The following BRI3BP variants were observed in gnomAD, a reference collection of about 807,000 sequenced individuals.
BRI3BP encodes the protein BRI3-binding protein.
BRI3BP carries 7 observed loss-of-function variants against 15.8 expected under a neutral mutation model. The ratio of observed to expected loss-of-function variants is 0.44; its 90% CI spans 0.25 to 0.83. BRI3BP has a LOEUF of 0.83. Among genes scored for constraint, BRI3BP ranks in the 40% least tolerant of loss-of-function variants. BRI3BP has a pLI of 0.20. For synonymous variants in BRI3BP, 192 were observed against 163.5 expected (o/e 1.17, Z -1.33); for missense variants, 320 against 339.3 (o/e 0.94, Z 0.45).
intron 2 of BRI3BP, among the ~76,000 whole-genome samples, chr12:125,014,164 G>A (rs934704365): frequency 6.6e-6 from 1 of 152,180 alleles, no homozygotes; most frequent in Non-Finnish European, 1.5e-5. Context: ...TGGTGTGCCA[G>A]GTAAACAGGG....
rs1955346382 is a variant in BRI3BP at position 125,025,550 on chromosome 12, G to C, written c.*120G>C. 2.9e-5 allele frequency: 31 copies of C among 1,058,328 alleles called. 1 individual carries two copies. In the South Asian group the frequency reaches 5.3e-4, roughly 18 times the overall value. The allele number at this position is 1,058,328 out of a possible 1,614,324, so 65.6% of individuals were successfully genotyped here. On this transcript the variant is annotated 3_prime_UTR_variant, in exon 3 of 3. Coordinates refer to ENST00000341446, the MANE Select transcript of BRI3BP (RefSeq NM_080626.6). The stretch of plus-strand genomic sequence containing the variant: ...AAACACGACTGAGCAAGAAAGTGGC[G>C]CTGTGTAGGGCTATTTCCACCCACC...
intron 2 of BRI3BP, among the ~76,000 whole-genome samples, chr12:125,016,143 C>A (rs576790679): frequency 6.6e-6 from 1 of 152,160 alleles, no homozygotes; most frequent in Admixed American, 6.6e-5. Flanking sequence ...GCAGCTGGCG[C>A]GTTCTGGAGG....
chr12:125,020,990 C>T (rs1409286180), intron 2 of BRI3BP, among the ~76,000 whole-genome samples: 1 of 152,324 alleles, frequency 6.6e-6, no homozygotes, highest in South Asian at 2.1e-4. Flanking sequence ...CCCACATAAA[C>T]GAAAGCTCTG....
intron 2 of BRI3BP, among the ~76,000 whole-genome samples, chr12:125,015,696 T>C (rs1594534288): frequency 6.6e-6 from 1 of 152,204 alleles, no homozygotes; most frequent in African/African-American, 2.4e-5. Flanking sequence ...CCCCAGGCCA[T>C]TCAGAAATGT....
In BRI3BP at chr12:125,027,417, C is replaced by G. The variant is rs1425521094; in HGVS notation, c.*1987C>G. The G allele has an allele frequency of 6.6e-6, 1 of 152,102 alleles. No individual in the cohort carries two copies. The highest frequency in any genetic ancestry group is 2.4e-5 in the African/African-American group (1 of 41,402). 9.4% of individuals were successfully genotyped at this position (152,102 alleles called of 1,614,324 possible). ...GGGCAGGGTGGCTCACCCCTATAAT[C>G]CCAACACTTTGGGAGGCCAAGGCAG... is the stretch of plus-strand genomic sequence containing the variant. On this transcript the variant is annotated 3_prime_UTR_variant, in exon 3 of 3. Coordinates refer to ENST00000341446, the MANE Select transcript of BRI3BP (RefSeq NM_080626.6).
At chr12:125,034,362 G>C (rs143582043), downstream of BRI3BP, among the ~76,000 whole-genome samples, 16 of 152,126 alleles carry the variant, frequency 1.1e-4, no homozygotes, top group East Asian at 2.9e-3. Context: ...TTTAAAAAAA[G>C]AAAAACAAAA....
At chr12:125,047,453 G>A in the BRI3BP span, among the ~76,000 whole-genome samples, 3 of 151,884 alleles carry the variant, frequency 2.0e-5, no homozygotes, top group South Asian at 2.1e-4. Flanking sequence ...GATTACAGGC[G>A]TGAGCCACCG....
chr12:125,005,661 C>T (rs1955135935), intron 1 of BRI3BP, among the ~76,000 whole-genome samples: 1 of 152,010 alleles, frequency 6.6e-6, no homozygotes, highest in South Asian at 2.1e-4. Context: ...ATCCCAGCTA[C>T]TCGGGAGGCT....
chr12:125,017,018 TATTA>T (rs1252203654), intron 2 of BRI3BP, among the ~76,000 whole-genome samples: 7 of 145,624 alleles, frequency 4.8e-5, no homozygotes, highest in Middle Eastern at 3.2e-3. Context: ...GTATTATTAT[TATTA>T]TTTTTTTTTT....
chr12:125,049,959 TGGA>T, the BRI3BP span, among the ~76,000 whole-genome samples: 1 of 152,134 alleles, frequency 6.6e-6, no homozygotes, highest in Admixed American at 6.5e-5. Context: ...TGCTGGCAGA[TGGA>T]GGAGAACCGA....
chr12:124,998,124 C>CAA (rs35401601), intron 1 of BRI3BP, among the ~76,000 whole-genome samples: 137 of 126,888 alleles, frequency 1.1e-3, no homozygotes, highest in African/African-American at 3.7e-3. Context: ...AACTCCGTCT[C>CAA]AAAAAAAAAA....
chr12:125,045,486 A>G, the BRI3BP span, among the ~76,000 whole-genome samples: 1 of 152,104 alleles, frequency 6.6e-6, no homozygotes, highest in Non-Finnish European at 1.5e-5. Flanking sequence ...AGGCGGCATC[A>G]TCACGCCCGG....
At chr12:124,994,344 T>G (rs1222175544) in intron 1 of BRI3BP, among the ~76,000 whole-genome samples, 1 of 152,094 alleles carries the variant, frequency 6.6e-6, no homozygotes, top group Non-Finnish European at 1.5e-5. Context: ...GCTCCTACTG[T>G]GAGCCAGGCA....
intron 2 of BRI3BP, among the ~76,000 whole-genome samples, chr12:125,019,272 G>A (rs925214749): frequency 1.3e-5 from 2 of 151,918 alleles, no homozygotes; most frequent in South Asian, 2.1e-4. Flanking sequence ...TCAGGGCCTC[G>A]GAGTGACGTT....
intron 1 of BRI3BP, among the ~76,000 whole-genome samples, chr12:124,999,169 G>C (rs931209835): frequency 6.6e-6 from 1 of 152,142 alleles, no homozygotes; most frequent in Non-Finnish European, 1.5e-5. Context: ...GGACTGATGT[G>C]GTGGAAACAT....
intron 2 of BRI3BP, among the ~76,000 whole-genome samples, chr12:125,019,296 CT>C (rs1043408504): frequency 6.6e-6 from 1 of 152,080 alleles, no homozygotes; most frequent in African/African-American, 2.4e-5. Flanking sequence ...TTGGACCACC[CT>C]TCCTTGGTTT....
intron 1 of BRI3BP, among the ~76,000 whole-genome samples, chr12:125,006,679 G>A (rs1955147192): frequency 6.6e-6 from 1 of 152,210 alleles, no homozygotes; most frequent in African/African-American, 2.4e-5. Flanking sequence ...GCCACGCCGA[G>A]GTCTTTACAG....
rs1345747154 is a variant in BRI3BP at position 125,026,233 on chromosome 12, G to A, written c.*803G>A. 1 of 152,150 alleles carries A rather than the reference G, an allele frequency of 6.6e-6. No individual in the cohort carries two copies. Among genetic ancestry groups the A allele is most frequent in the African/African-American group, 2.4e-5 (1 of 41,434 alleles). The allele number at this position is 152,150 out of a possible 1,614,324, so 9.4% of individuals were successfully genotyped here. On this transcript the variant is annotated 3_prime_UTR_variant, in exon 3 of 3. Transcript: ENST00000341446. The stretch of plus-strand genomic sequence containing the variant: ...TTGATGCCAGGAAGTACCTGGTAAG[G>A]ATTGGAGATTGCTCCAGAATCTACT...
chr12:125,028,884 T>A lies in BRI3BP; in HGVS notation c.*3454T>A, dbSNP rs1260593976. ...TGGAAAAATGTATTTTTGTACCATA[T>A]CTCATACCTGGAGAGAAACCTTTTT... On this transcript the variant is annotated 3_prime_UTR_variant, in exon 3 of 3. Coordinates refer to ENST00000341446, the MANE Select transcript of BRI3BP (RefSeq NM_080626.6). The A allele has an allele frequency of 3.3e-5, 5 of 152,228 alleles. No homozygotes were observed. Among genetic ancestry groups the A allele is most frequent in the African/African-American group, 1.2e-4 (5 of 41,456 alleles). 9.4% of individuals were successfully genotyped at this position (152,228 alleles called of 1,614,324 possible). A position where few individuals can be genotyped will look rare whatever the true frequency, so the allele number is the denominator to read the frequency against.
Sources: allele counts gnomAD v4.1 joint callset (sites outside exome capture counted in the v4.1 genomes callset), GRCh38; gene constraint gnomAD v4.1.1; transcripts MANE v1.5; gene names NCBI Gene and HGNC (gene_info 2026-07-23, HGNC 2026-07-21).